Variants in CHRNB4 observed in about 807,000 individuals in gnomAD.
The protein encoded by CHRNB4 is neuronal acetylcholine receptor subunit beta-4.
In CHRNB4, 23 loss-of-function variants were observed where a neutral mutation model predicts 40.4. The ratio of observed to expected loss-of-function variants is 0.57; its 90% CI spans 0.41 to 0.81. CHRNB4 has a LOEUF of 0.81. Ranked by LOEUF, CHRNB4 falls within the 30% of genes least tolerant of loss-of-function variation. The pLI, the probability that CHRNB4 is intolerant of heterozygous loss-of-function variation, is 0.00. For synonymous variants in CHRNB4, 285 were observed against 274.4 expected (o/e 1.04, Z -0.38); for missense variants, 568 against 670.6 (o/e 0.85, Z 1.69).
intron 4 of CHRNB4, chr15:78,630,844 C>G: frequency 3.7e-6 from 2 of 538,022 alleles, no homozygotes; most frequent in South Asian, 2.1e-5. Context: ...GGTCCCAGCT[C>G]TGCTTCAGTG....
chr15:78,631,288 C>A lies in CHRNB4; in HGVS notation c.249G>T (p.Gln83His). 6.2e-7 allele frequency: 1 copy of A among 1,614,164 alleles called. No individual in the cohort carries two copies. ...GCTCAGGGCCCTTCAGGGCACTTAC[C>A]TGTTTCAGCCAGACATTGGTGGTCA... ...QIMTTNVWLK[Q>H]EWTDYRLTWN... Residue 83 changes from glutamine (Q) to histidine (H), a missense_variant and splice_region_variant, in exon 3 of 6, where the codon CAG (glutamine) becomes CAT (histidine). Around this residue, in one of 4 missense-constraint regions of CHRNB4, gnomAD observed 161 missense variants for 148.1 expected, o/e 1.09. Transcript: ENST00000261751.
At chr15:78,648,379 C>A (rs1451553279) in intron 7 of CHRNB4, among the ~76,000 whole-genome samples, 2 of 125,882 alleles carry the variant, frequency 1.6e-5, no homozygotes, top group Admixed American at 1.7e-4. Flanking sequence ...GGCGACAGAG[C>A]GAGACTTGCC....
chr15:78,637,710 G>A (rs1596114111), intron 1 of CHRNB4, among the ~76,000 whole-genome samples: 2 of 152,292 alleles, frequency 1.3e-5, no homozygotes, highest in South Asian at 2.1e-4. Flanking sequence ...GTGGGGAGCA[G>A]CCGCCACCCT....
At chr15:78,644,162 C>CAA (rs200373615), upstream of CHRNB4, among the ~76,000 whole-genome samples, 2 of 116,276 alleles carry the variant, frequency 1.7e-5, no homozygotes, top group African/African-American at 6.2e-5. Context: ...GACTCTGTCT[C>CAA]AAAAAAAAAA....
chr15:78,631,141 C>A lies in CHRNB4; in HGVS notation c.294G>T (p.Glu98Asp). The A allele has an allele frequency of 1.2e-6, 2 of 1,614,254 alleles. No homozygotes were observed. The highest frequency in any genetic ancestry group is 1.7e-6 in the Non-Finnish European group (2 of 1,180,052). ...CAGGGATCCTCAGGATGTTCACACC[C>A]TCGTAGCGGGAGCTGTTCCAGGTCA... ...YRLTWNSSRY[E>D]GVNILRIPAK... Residue 98 changes from glutamate to aspartate, a missense_variant, in exon 4 of 6, where the codon GAG becomes GAT. Physicochemically the swap from Glu to Asp is conservative, Grantham distance 45. Transcript: ENST00000261751.
chr15:78,656,677 A>G (rs1214097471), exon 4 of CHRNB4: 4 of 152,222 alleles, frequency 2.6e-5, no homozygotes, highest in Non-Finnish European at 5.9e-5. Flanking sequence ...TGTAGAAGAT[A>G]AGATGTCAAA....
At chr15:78,636,941 G>A (rs2053963380) in intron 1 of CHRNB4, among the ~76,000 whole-genome samples, 1 of 152,198 alleles carries the variant, frequency 6.6e-6, no homozygotes, top group Non-Finnish European at 1.5e-5. Flanking sequence ...ACTCACATGT[G>A]AGTTTGGGTG....
At chr15:78,661,068 T>C, upstream of CHRNB4, 1 of 597,976 alleles carries the variant, frequency 1.7e-6, no homozygotes, top group Non-Finnish European at 3.3e-6. Context: ...GGCTGGCCCT[T>C]TGACCTCTGG....
At chr15:78,630,143 CTTT>C (rs34925790) in intron 4 of CHRNB4, among the ~76,000 whole-genome samples, 198 bp from the exon 5 acceptor site, 1 of 143,192 alleles carries the variant, frequency 7.0e-6, no homozygotes, top group African/African-American at 2.6e-5. Flanking sequence ...AAGCACCCCC[CTTT>C]TTTTTTTTTT....
chr15:78,643,099 G>C (rs936400054), upstream of CHRNB4, among the ~76,000 whole-genome samples: 2 of 152,142 alleles, frequency 1.3e-5, no homozygotes, highest in Non-Finnish European at 2.9e-5. Flanking sequence ...ATAAATGTTA[G>C]CTATTAACTT....
chr15:78,658,410 A>T (rs975612542), intron 1 of CHRNB4: 23 of 152,148 alleles, frequency 1.5e-4, no homozygotes, highest in African/African-American at 5.3e-4. Flanking sequence ...GAATGAATGA[A>T]TGAAATAACT....
chr15:78,655,907 TCA>T (rs2054209952), intron 4 of CHRNB4, among the ~76,000 whole-genome samples: 2 of 152,344 alleles, frequency 1.3e-5, no homozygotes, highest in African/African-American at 2.4e-5. Flanking sequence ...CTCTTCAATT[TCA>T]CAGTGTTCTA....
upstream of CHRNB4, chr15:78,661,103 A>T: frequency 1.6e-6 from 1 of 609,396 alleles, no homozygotes; most frequent in Non-Finnish European, 3.2e-6. Context: ...CGGCCCTTGG[A>T]GCGGACGTAG....
chr15:78,647,690 C>CAAAA (rs57493774), intron 7 of CHRNB4, among the ~76,000 whole-genome samples: 31 of 62,230 alleles, frequency 5.0e-4, no homozygotes, highest in East Asian at 9.2e-4. Flanking sequence ...ACTAAAAATC[C>CAAAA]AAAAAAAAAA....
At chr15:78,657,922 T>C (rs1319219115) in intron 2 of CHRNB4, among the ~76,000 whole-genome samples, 1 of 151,916 alleles carries the variant, frequency 6.6e-6, no homozygotes, top group Non-Finnish European at 1.5e-5. Flanking sequence ...TGTGTTGCTC[T>C]GGGACCTCAC....
In CHRNB4 at chr15:78,624,967, G is replaced by A; in HGVS notation, c.*166C>T. On this transcript the variant is annotated 3_prime_UTR_variant, in exon 6 of 6. Transcript: ENST00000261751. ...CCCTCCAAGGCATTCAGAGAGGACA[G>A]CCCAGGCCCCCATCCTTGCCTGTTC... is the stretch of plus-strand genomic sequence containing the variant. 1 of 1,549,414 alleles carries A rather than the reference G, an allele frequency of 6.5e-7. No individual in the cohort carries two copies. The highest frequency in any genetic ancestry group is 1.2e-5 in the South Asian group (1 of 84,252).
chr15:78,643,923 G>A (rs1483308349), upstream of CHRNB4, among the ~76,000 whole-genome samples: 2 of 151,740 alleles, frequency 1.3e-5, no homozygotes, highest in Non-Finnish European at 2.9e-5. Context: ...GCTGAGGCGG[G>A]CGGATCACGA....
chr15:78,656,386 G>C (rs141602917), exon 4 of CHRNB4: 3 of 151,026 alleles, frequency 2.0e-5, no homozygotes, highest in African/African-American at 7.3e-5. Flanking sequence ...AGCATAGTAG[G>C]GTGACTAGGG....
At chr15:78,647,696 A>C (rs1293275599) in intron 7 of CHRNB4, among the ~76,000 whole-genome samples, 5 of 148,318 alleles carry the variant, frequency 3.4e-5, no homozygotes, top group African/African-American at 1.2e-4. Context: ...AATCCAAAAA[A>C]AAAAAAAAAA....
Sources: gnomAD v4.1 joint callset for allele counts (sites outside exome capture counted in the v4.1 genomes callset) on GRCh38, gnomAD v4.1.1 for gene constraint, gnomAD v4.1.1 regional missense constraint, MANE v1.5 for transcripts, NCBI Gene and HGNC (gene_info 2026-07-23, HGNC 2026-07-21) for gene names.